The following SLC12A1 variants were observed in gnomAD, a reference collection of about 807,000 sequenced individuals.
SLC12A1 encodes the protein Na-K-2Cl cotransporter.
Under a neutral mutation model 130.4 loss-of-function variants are expected in SLC12A1, and 89 were observed. The ratio of observed to expected loss-of-function variants is 0.68; its 90% CI spans 0.58 to 0.81. SLC12A1 has a LOEUF of 0.81. Ranked by LOEUF, SLC12A1 falls within the 40% of genes least tolerant of loss-of-function variation. The probability of loss-of-function intolerance (pLI) is 0.00; values close to 1 mark genes in which losing one functional copy is unlikely to be tolerated. For missense variants in SLC12A1, 1,310 were observed against 1,336.4 expected (o/e 0.98, Z 0.31); for synonymous variants, 499 against 460.0 (o/e 1.08, Z -1.09).
At chr15:48,296,184 T>C (rs1224384513) in intron 24 of SLC12A1, among the ~76,000 whole-genome samples, 3 of 152,232 alleles carry the variant, frequency 2.0e-5, no homozygotes, top group Admixed American at 6.5e-5. Context: ...TGCCGGGTGA[T>C]ACACAATGTC....
chr15:48,233,898 T>C (rs1435506260), intron 8 of SLC12A1, among the ~76,000 whole-genome samples: 1 of 152,204 alleles, frequency 6.6e-6, no homozygotes, highest in Admixed American at 6.5e-5. Flanking sequence ...CCTTTTCTCT[T>C]TTTTCCTTCT....
chr15:48,243,433 G>A (rs1457723569), intron 10 of SLC12A1, among the ~76,000 whole-genome samples: 2 of 152,066 alleles, frequency 1.3e-5, no homozygotes, highest in Non-Finnish European at 2.9e-5. Context: ...GGAGACAGGT[G>A]GATCACGAGG....
At chr15:48,267,270 T>C (rs1186252138) in intron 17 of SLC12A1, among the ~76,000 whole-genome samples, 1 of 152,208 alleles carries the variant, frequency 6.6e-6, no homozygotes, top group East Asian at 1.9e-4. Flanking sequence ...ACATTTTCAG[T>C]ATTTTCCTTG....
chr15:48,271,698 G>A (rs768879604), intron 19 of SLC12A1, among the ~76,000 whole-genome samples: 2 of 152,142 alleles, frequency 1.3e-5, no homozygotes, highest in Non-Finnish European at 2.9e-5. Context: ...AACATATAAA[G>A]CCTGGGGCCA....
At position 48,291,856 on chromosome 15, in the gene SLC12A1, CAAAG is replaced by C; in HGVS notation, c.2954_2957del (p.Lys985ArgfsTer9). 2 of 1,554,098 alleles carry C rather than the reference CAAAG, an allele frequency of 1.3e-6. No individual in the cohort carries two copies. The highest frequency in any genetic ancestry group is 1.2e-5 in the South Asian group (1 of 84,410). On this transcript the variant is annotated frameshift_variant, in exon 24 of 27. Transcript: ENST00000380993. LOFTEE classifies it high-confidence loss of function. ...TCGGTGACATCAACATTAGGCCAAA[CAAAG>C]AGAGGTATGAAATATTTAACAAGAG...
intron 14 of SLC12A1, among the ~76,000 whole-genome samples, chr15:48,250,440 C>T (rs988548163): frequency 4.6e-5 from 7 of 152,184 alleles, no homozygotes; most frequent in East Asian, 1.9e-4. Context: ...CTTAATCTAA[C>T]GAATACTAGG....
intron 20 of SLC12A1, among the ~76,000 whole-genome samples, chr15:48,283,982 T>C (rs920924181): frequency 1.3e-5 from 2 of 152,198 alleles, no homozygotes; most frequent in African/African-American, 4.8e-5. Context: ...GCACATTACA[T>C]AGCAGCTAGG....
At chr15:48,235,338 G>C in intron 9 of SLC12A1, 1 of 205,562 alleles carries the variant, frequency 4.9e-6, no homozygotes, top group South Asian at 5.4e-5. Context: ...ATATTTTCCT[G>C]TAAAAGTAAA....
At chr15:48,256,137 G>A (rs2041704712) in intron 16 of SLC12A1, among the ~76,000 whole-genome samples, 1 of 152,188 alleles carries the variant, frequency 6.6e-6, no homozygotes, top group South Asian at 2.1e-4. Context: ...CATAGTGCCA[G>A]GTGTCACCTT....
At chr15:48,292,872 G>C (rs1264681450) in intron 24 of SLC12A1, among the ~76,000 whole-genome samples, 1 of 152,124 alleles carries the variant, frequency 6.6e-6, no homozygotes, top group East Asian at 1.9e-4. Context: ...AATTTGGGTG[G>C]GGGGACACAA....
At chr15:48,268,038 T>C (rs143685209) in intron 18 of SLC12A1, among the ~76,000 whole-genome samples, 1 of 152,298 alleles carries the variant, frequency 6.6e-6, no homozygotes, top group African/African-American at 2.4e-5. Flanking sequence ...TATTTTTATA[T>C]CTCATACTGC....
In SLC12A1 at chr15:48,220,134, GATA is replaced by G. The variant is rs2041186986; in HGVS notation, c.421-499_421-497del. ...AAAAAAAAAAAAAAAAAAAAAGGTAGATAGATAGATAGATAGATAGATAGATAG... is the reference window on the plus strand; with the variant it reads ...AAAAAAAAAAAAAAAAAAAAAGGTAGGATAGATAGATAGATAGATAGATAG... On this transcript the variant is annotated intron_variant, in intron 2 of 26. Coordinates refer to ENST00000380993, the MANE Select transcript of SLC12A1 (RefSeq NM_000338.3). 3.2e-4 allele frequency among the ~76,000 whole-genome samples: 35 copies of G among 110,750 alleles called. 1 individual carries two copies. Among genetic ancestry groups the G allele is most frequent in the African/African-American group, 1.9e-3 (31 of 16,546 alleles). 72.7% of individuals were successfully genotyped at this position (110,750 alleles called of 152,430 possible). A position where few individuals can be genotyped will look rare whatever the true frequency, so the allele number is the denominator to read the frequency against.
At chr15:48,249,303 C>T (rs1180550958) in intron 13 of SLC12A1, among the ~76,000 whole-genome samples, 2 of 140,798 alleles carry the variant, frequency 1.4e-5, no homozygotes, top group Non-Finnish European at 3.0e-5. Context: ...TATGCCCAGT[C>T]GCACATCTAC....
chr15:48,231,012 C>T (rs570174004), intron 7 of SLC12A1, among the ~76,000 whole-genome samples: 67 of 152,190 alleles, frequency 4.4e-4, no homozygotes, highest in African/African-American at 1.5e-3. Context: ...AGTAAATTTC[C>T]GAATGATGGG....
At chr15:48,300,269 G>A (rs973451492) in intron 25 of SLC12A1, among the ~76,000 whole-genome samples, 1 of 151,728 alleles carries the variant, frequency 6.6e-6, no homozygotes, top group Non-Finnish European at 1.5e-5. Flanking sequence ...GGGCAGAGGT[G>A]AGCTGAGCTC....
chr15:48,230,761 C>G (rs1334997916), intron 7 of SLC12A1, among the ~76,000 whole-genome samples: 1 of 152,034 alleles, frequency 6.6e-6, no homozygotes, highest in Non-Finnish European at 1.5e-5. Context: ...ATGCACAGAC[C>G]CCTTATGATC....
intron 9 of SLC12A1, among the ~76,000 whole-genome samples, chr15:48,240,334 TGAC>T (rs1401175429): frequency 6.6e-6 from 1 of 151,836 alleles, no homozygotes; most frequent in Non-Finnish European, 1.5e-5. Flanking sequence ...CCTGCCACAC[TGAC>T]GACGACAATA....
chr15:48,291,523 C>T (rs2042121177), intron 23 of SLC12A1, among the ~76,000 whole-genome samples: 1 of 152,062 alleles, frequency 6.6e-6, no homozygotes, highest in Non-Finnish European at 1.5e-5. Context: ...GACATAAATG[C>T]AGAGTTGGAT....
At chr15:48,251,797 G>T in intron 15 of SLC12A1, 27 bp downstream of exon 15, 1 of 1,604,428 alleles carries the variant, frequency 6.2e-7, no homozygotes. Flanking sequence ...CTGGAATAGC[G>T]TTTCCAAATC....
Sources: gnomAD v4.1 joint callset for allele counts (sites outside exome capture counted in the v4.1 genomes callset) on GRCh38, gnomAD v4.1.1 for gene constraint, MANE v1.5 for transcripts, NCBI Gene and HGNC (gene_info 2026-07-23, HGNC 2026-07-21) for gene names.